The following AFG2A variants were observed in gnomAD, a reference collection of about 807,000 sequenced individuals.
AFG2A encodes the protein AAA ATPase AFG2A, also known as ATPase family gene 2 protein homolog A.
chr4:123,169,815 T>G, the AFG2A span, among the ~76,000 whole-genome samples: 4 of 152,136 alleles, frequency 2.6e-5, no homozygotes, highest in Non-Finnish European at 2.9e-5. Context: ...AACCCTTTCC[T>G]CTTAAACAAG....
At chr4:123,089,839 C>T in the AFG2A span, among the ~76,000 whole-genome samples, 316 of 152,220 alleles carry the variant, frequency 2.1e-3, 2 homozygotes, top group Middle Eastern at 0.014. Flanking sequence ...CCACCTGCCT[C>T]GGCCTCCCAA....
the AFG2A span, among the ~76,000 whole-genome samples, chr4:123,242,110 G>T: frequency 6.6e-6 from 1 of 152,124 alleles, no homozygotes; most frequent in African/African-American, 2.4e-5. Flanking sequence ...ACAAGCCACT[G>T]CTCAACAAAA....
At chr4:123,055,898 A>G in the AFG2A span, among the ~76,000 whole-genome samples, 12 of 152,226 alleles carry the variant, frequency 7.9e-5, no homozygotes, top group Admixed American at 7.9e-4. Context: ...GTAGATATGT[A>G]TGTGGTAAAA....
chr4:122,976,419 T>C, the AFG2A span, among the ~76,000 whole-genome samples: 1 of 152,218 alleles, frequency 6.6e-6, no homozygotes, highest in African/African-American at 2.4e-5. Flanking sequence ...GTCAGCATGG[T>C]ATCTTTGAAT....
the AFG2A span, among the ~76,000 whole-genome samples, chr4:123,071,915 C>A: frequency 6.6e-6 from 1 of 152,128 alleles, no homozygotes; most frequent in African/African-American, 2.4e-5. Flanking sequence ...TTAAATATTT[C>A]TTCAGTACAG....
At chr4:122,934,637 A>G in the AFG2A span, 619 of 1,613,878 alleles carry the variant, frequency 3.8e-4, no homozygotes, top group Middle Eastern at 3.3e-4. Context: ...AACCAATTCA[A>G]AGTAACTTAT....
chr4:123,169,060 A>G, the AFG2A span, among the ~76,000 whole-genome samples: 1 of 152,198 alleles, frequency 6.6e-6, no homozygotes, highest in East Asian at 1.9e-4. Flanking sequence ...GTGTCAGCTT[A>G]TAACATTCTC....
chr4:123,319,348 T>A, the AFG2A span: 1 of 152,342 alleles, frequency 6.6e-6, no homozygotes, highest in East Asian at 1.9e-4. Context: ...TGTGTCATGT[T>A]TTCCTGAATG....
the AFG2A span, among the ~76,000 whole-genome samples, chr4:123,299,797 A>G: frequency 6.6e-6 from 1 of 152,242 alleles, no homozygotes; most frequent in East Asian, 1.9e-4. Flanking sequence ...TTTAAAAACT[A>G]GATGAATAAT....
At chr4:123,028,253 C>A in the AFG2A span, 1 of 1,614,028 alleles carries the variant, frequency 6.2e-7, no homozygotes, top group South Asian at 1.1e-5. Context: ...GTGGAATGGC[C>A]CTTAAAACAT....
the AFG2A span, among the ~76,000 whole-genome samples, chr4:123,148,267 A>G: frequency 6.6e-6 from 1 of 152,334 alleles, no homozygotes; most frequent in Admixed American, 6.5e-5. Flanking sequence ...CCTTTTTAGC[A>G]CTAAGAGCTA....
At chr4:122,939,878 A>T in the AFG2A span, among the ~76,000 whole-genome samples, 3 of 152,000 alleles carry the variant, frequency 2.0e-5, no homozygotes, top group African/African-American at 4.8e-5. Context: ...GAGAACATGC[A>T]GTGTTTGGTT....
the AFG2A span, chr4:123,256,898 T>C: frequency 2.2e-5 from 21 of 963,408 alleles, no homozygotes; most frequent in Middle Eastern, 1.1e-3. Context: ...TCTAGCTGCA[T>C]TTCTTAAGGA....
chr4:123,205,198 C>A, the AFG2A span, among the ~76,000 whole-genome samples: 3 of 151,986 alleles, frequency 2.0e-5, no homozygotes, highest in African/African-American at 7.3e-5. Context: ...GTTCTAATTA[C>A]AATTTTTCAG....
the AFG2A span, among the ~76,000 whole-genome samples, chr4:123,297,006 G>A: frequency 1.1e-4 from 16 of 152,182 alleles, no homozygotes; most frequent in African/African-American, 3.4e-4. Flanking sequence ...CCAGTTATAC[G>A]CACAATTTTA....
chr4:122,933,544 GC>G, the AFG2A span: 1 of 1,509,362 alleles, frequency 6.6e-7, no homozygotes, highest in Non-Finnish European at 9.2e-7. Flanking sequence ...AAGCTGCAAG[GC>G]ATCAGCAAAT....
the AFG2A span, among the ~76,000 whole-genome samples, chr4:123,082,523 C>CTTTTTTTT: frequency 5.7e-5 from 8 of 141,254 alleles, no homozygotes; most frequent in Non-Finnish European, 9.1e-5. Context: ...TCTCTTTTTT[C>CTTTTTTTT]TTTTTTTTTT....
At chr4:122,994,500 C>T in the AFG2A span, among the ~76,000 whole-genome samples, 1 of 152,112 alleles carries the variant, frequency 6.6e-6, no homozygotes, top group Admixed American at 6.6e-5. Context: ...TTCTTTTATG[C>T]ATCTAAACCT....
At chr4:122,934,666 A>G in the AFG2A span, 6 of 1,609,580 alleles carry the variant, frequency 3.7e-6, no homozygotes, top group African/African-American at 1.3e-5. Context: ...AGGAGGATTA[A>G]GTAGCCAGCT....
Sources: allele counts gnomAD v4.1 joint callset (sites outside exome capture counted in the v4.1 genomes callset), GRCh38; gene constraint gnomAD v4.1.1; transcripts MANE v1.5; gene names NCBI Gene and HGNC (gene_info 2026-07-23, HGNC 2026-07-21).